SNX21: variants seen among roughly 807,000 people sequenced by gnomAD.
SNX21 encodes the protein sorting nexin family member 21.
In SNX21, 36 loss-of-function variants were observed where a neutral mutation model predicts 30.9. That is an observed-to-expected ratio of 1.16 (90% CI 0.89 to 1.54). The LOEUF (loss-of-function observed/expected upper bound fraction) is 1.54. Ranked by LOEUF, SNX21 falls within the 40% of genes most tolerant of loss-of-function variation. The pLI, the probability that SNX21 is intolerant of heterozygous loss-of-function variation, is 0.00. For synonymous variants in SNX21, 218 were observed against 222.7 expected, an observed-to-expected ratio of 0.98 and a Z score of 0.19; for missense variants, 508 against 516.5, an observed-to-expected ratio of 0.98 and a Z score of 0.16.
Position 45,834,443 on chromosome 20 carries a change from G to A in SNX21, c.264G>A (p.Gly88=). 6.2e-7 allele frequency: 1 copy of A among 1,605,920 alleles called. No homozygotes were observed. The highest frequency in any genetic ancestry group is 8.5e-7 in the Non-Finnish European group (1 of 1,179,350). ...EEAGPDQLPL[G]DGTSGEDAER... ...CTGGCCCTGACCAGCTGCCCCTCGG[G>A]GATGGGACGTCAGGAGAAGACGCAG... The change falls in exon 2 of 4, where the codon GGG becomes GGA. Residue 88 remains glycine (G), a synonymous_variant. Coordinates refer to ENST00000491381, the MANE Select transcript of SNX21 (RefSeq NM_033421.4).
intron 2 of SNX21, 22 bp downstream of exon 2, chr20:45,834,490 C>A: frequency 6.3e-7 from 1 of 1,578,916 alleles, no homozygotes; most frequent in Non-Finnish European, 8.6e-7. Context: ...AGGACGGAGG[C>A]GGGAACCCTG....
Position 45,841,044 on chromosome 20 carries a change from A to G in SNX21, c.853A>G (p.Thr285Ala). 6.2e-7 allele frequency: 1 copy of G among 1,609,850 alleles called. No homozygotes were observed. The highest frequency in any genetic ancestry group is 1.3e-5 in the African/African-American group (1 of 74,986). ...TPSGPDRPLL[T>A]LAGLAVCHQE... is the part of the protein sequence containing the mutation. Reference sequence around the variant, plus strand: ...CTCTGGCCCAGACCGCCCCCTGCTGACCCTGGCTGGGCTGGCCGTGTGCCA... The same window carrying G: ...CTCTGGCCCAGACCGCCCCCTGCTGGCCCTGGCTGGGCTGGCCGTGTGCCA... Residue 285 changes from threonine to alanine, a missense_variant, in exon 4 of 4, where the codon ACC (threonine) becomes GCC (alanine). By Grantham distance (58) the Thr-to-Ala change is moderately conservative. Transcript: ENST00000491381.
At chr20:45,837,631 A>G (rs4337538) in intron 3 of SNX21, among the ~76,000 whole-genome samples, 102,513 of 151,992 alleles carry the variant, frequency 0.67, 34,691 homozygotes, top group Admixed American at 0.74. Flanking sequence ...GAGGCGGGGA[A>G]CTTCGTGATC....
intron 3 of SNX21, chr20:45,840,032 C>A: frequency 1.9e-6 from 1 of 520,250 alleles, no homozygotes; most frequent in Non-Finnish European, 2.5e-6. Flanking sequence ...ACTGACTTGA[C>A]CGAGCACTTC....
In SNX21 at chr20:45,840,901, ACTT is replaced by A. The variant is rs781545083; in HGVS notation, c.715_717del (p.Phe239del). 37 of 1,613,046 alleles carry A rather than the reference ACTT, an allele frequency of 2.3e-5. No homozygotes were observed. The highest frequency in any genetic ancestry group is 3.1e-5 in the Non-Finnish European group (37 of 1,179,910). ...CTGCGCCATGCCCCGGACCTGCAGG[ACTT>A]CTTCGTGCTGCCGGAGCTGCGGCGG... On this transcript the variant is annotated inframe_deletion, in exon 4 of 4. Coordinates refer to ENST00000491381, the MANE Select transcript of SNX21 (RefSeq NM_033421.4).
intron 3 of SNX21, among the ~76,000 whole-genome samples, chr20:45,836,490 C>CAAAAAAAAAA (rs74176824): frequency 1.2e-4 from 6 of 51,332 alleles, no homozygotes; most frequent in Admixed American, 3.1e-4. Flanking sequence ...GACTCCGTCT[C>CAAAAAAAAAA]AAAAAAAAAA....
rs114776392 is a variant in SNX21 at position 45,834,527 on chromosome 20, C to G, written c.289+59C>G. On this transcript the variant is annotated intron_variant, in intron 2 of 3. Coordinates refer to ENST00000491381, the MANE Select transcript of SNX21 (RefSeq NM_033421.4). The stretch of plus-strand genomic sequence containing the variant: ...GGCTCGATTAGGCCTCCATCCCAGC[C>G]GCGTTCCCAGAGCATCCAGGGCGCT... 8.9e-4 allele frequency: 1,348 copies of G among 1,506,478 alleles called. 18 individuals are homozygous for G. The African/African-American group carries it at 0.017, about 19-fold the overall frequency. 93.3% of individuals were successfully genotyped at this position (1,506,478 alleles called of 1,614,324 possible). A position where few individuals can be genotyped will look rare whatever the true frequency, so the allele number is the denominator to read the frequency against.
intron 3 of SNX21, 100 bp from the exon 4 acceptor site, chr20:45,840,539 G>T (rs982360596): frequency 5.0e-5 from 81 of 1,613,340 alleles, no homozygotes; most frequent in Non-Finnish European, 6.6e-5. Context: ...AAAGGAAGAG[G>T]TGGGGAGGTA....
intron 3 of SNX21, among the ~76,000 whole-genome samples, chr20:45,838,049 T>C (rs929444261): frequency 1.3e-5 from 2 of 151,560 alleles, no homozygotes; most frequent in Non-Finnish European, 2.9e-5. Flanking sequence ...GGATTACAGG[T>C]GTGAGCCACT....
Position 45,841,033 on chromosome 20 carries a change from G to GC in SNX21, c.847dup (p.Leu283ProfsTer25). 2 of 1,609,082 alleles carry GC rather than the reference G, an allele frequency of 1.2e-6. No homozygotes were observed. The highest frequency in any genetic ancestry group is 1.7e-6 in the Non-Finnish European group (2 of 1,179,026). ...CTGGGCACCCCCTCTGGCCCAGACCGCCCCCTGCTGACCCTGGCTGGGCTG... is the reference window on the plus strand; with the variant it reads ...CTGGGCACCCCCTCTGGCCCAGACCGCCCCCCTGCTGACCCTGGCTGGGCTG... On this transcript the variant is annotated frameshift_variant, in exon 4 of 4. Coordinates refer to ENST00000491381, the MANE Select transcript of SNX21 (RefSeq NM_033421.4). LOFTEE classifies it high-confidence loss of function.
At chr20:45,835,541 T>C (rs564749471) in intron 3 of SNX21, among the ~76,000 whole-genome samples, 14 of 152,332 alleles carry the variant, frequency 9.2e-5, no homozygotes, top group African/African-American at 3.1e-4. Flanking sequence ...TTCCAGTTGT[T>C]TGACTCTGGG....
rs1190045872 is a variant in SNX21, at chr20:45,834,215, C to T, written c.36C>T (p.Ser12=). ...GCTCCCCCCAGGGTGCCATGGCCTC[C>T]CGGCTCCTGCACCGGCTGCGGCACG... is the stretch of plus-strand genomic sequence containing the variant. ...HRGTQEGAMA[S]RLLHRLRHAL... Residue 12 remains serine, a synonymous_variant, in exon 2 of 4, where the codon TCC becomes TCT. Coordinates refer to ENST00000491381, the MANE Select transcript of SNX21 (RefSeq NM_033421.4). 5 of 1,533,180 alleles carry T rather than the reference C, an allele frequency of 3.3e-6. No homozygotes were observed. In the Admixed American group the frequency reaches 8.1e-5, roughly 25 times the overall value. The allele number at this position is 1,533,180 out of a possible 1,614,324, so 95.0% of individuals were successfully genotyped here.
In SNX21 at chr20:45,842,691, T is replaced by C. The variant is rs1984321186; in HGVS notation, c.*1378T>C. 2 of 989,766 alleles carry C rather than the reference T, an allele frequency of 2.0e-6. No individual in the cohort carries two copies. Among genetic ancestry groups the C allele is most frequent in the African/African-American group, 1.7e-5 (1 of 57,360 alleles). 61.3% of individuals were successfully genotyped at this position (989,766 alleles called of 1,614,324 possible). On this transcript the variant is annotated 3_prime_UTR_variant, in exon 4 of 4. Transcript: ENST00000491381. ...TCACAGTAGCCAAATGAAGCAGTTA[T>C]GTGTTGTCCAGTTTTCCAGACCAGG...
intron 3 of SNX21, 46 bp downstream of exon 3, chr20:45,835,162 G>A: frequency 6.4e-7 from 1 of 1,559,254 alleles, no homozygotes; most frequent in Non-Finnish European, 8.7e-7. Context: ...CAGAAGTATG[G>A]CTAGGAGCAA....
intron 2 of SNX21, 144 bp from the exon 3 acceptor site, chr20:45,834,815 C>T: frequency 3.6e-6 from 4 of 1,105,982 alleles, no homozygotes; most frequent in Non-Finnish European, 2.6e-6. Flanking sequence ...TTTGGCTCCT[C>T]GGTGCCTCTC....
Position 45,834,317 on chromosome 20 carries a change from G to A in SNX21, c.138G>A (p.Glu46=). The part of the protein sequence containing the change: ...AEQFPESSEL[E]DDDAEGLSSR... The stretch of plus-strand genomic sequence containing the variant: ...AGTTTCCGGAGAGCTCAGAGCTGGA[G>A]GACGACGACGCCGAGGGCCTGTCCT... Residue 46 remains glutamate, a synonymous_variant, in exon 2 of 4, where the codon GAG becomes GAA. Coordinates refer to ENST00000491381, the MANE Select transcript of SNX21 (RefSeq NM_033421.4). 1 of 1,597,968 alleles carries A rather than the reference G, an allele frequency of 6.3e-7. No homozygotes were observed. The highest frequency in any genetic ancestry group is 8.5e-7 in the Non-Finnish European group (1 of 1,177,418).
At chr20:45,834,127 CCCT>C (rs888326412) in intron 1 of SNX21, 71 bp from the exon 2 acceptor site, 31 of 1,421,502 alleles carry the variant, frequency 2.2e-5, no homozygotes, top group Admixed American at 3.0e-5. Context: ...CGGGCCCCGC[CCCT>C]CCTCCTCCTG....
rs1325298621 is a variant in SNX21 at position 45,840,768 on chromosome 20, A to T, written c.577A>T (p.Ile193Phe). Reference sequence around the variant, plus strand: ...GCAATTCCGGGGCCCAATGGCTGCCATCTCCTTCCCCCGTAAGCGGCTGCG... The same window carrying T: ...GCAATTCCGGGGCCCAATGGCTGCCTTCTCCTTCCCCCGTAAGCGGCTGCG... Reference protein sequence around the residue: ...QRQFRGPMAAISFPRKRLRRN... With the variant: ...QRQFRGPMAAFSFPRKRLRRN... Residue 193 changes from isoleucine to phenylalanine, a missense_variant, in exon 4 of 4, where the codon ATC (isoleucine) becomes TTC (phenylalanine). Ile to Phe is a conservative substitution (Grantham distance 21). Transcript: ENST00000491381. 1 of 1,614,060 alleles carries T rather than the reference A, an allele frequency of 6.2e-7. No individual in the cohort carries two copies. The highest frequency in any genetic ancestry group is 1.7e-5 in the Admixed American group (1 of 60,024).
In SNX21 at chr20:45,842,823, T is replaced by G. The variant is rs986493670; in HGVS notation, c.*1510T>G. On this transcript the variant is annotated 3_prime_UTR_variant, in exon 4 of 4. Transcript: ENST00000491381. ...TCTTGGATTGTGATGCTATTGGTAC[T>G]TGAGAATACCCCTTATCTGAGTATA... 3.0e-6 allele frequency: 3 copies of G among 992,176 alleles called. No homozygotes were observed. In the African/African-American group the frequency reaches 5.2e-5, roughly 17 times the overall value. The allele number at this position is 992,176 out of a possible 1,614,324, so 61.5% of individuals were successfully genotyped here.
Sources: allele counts gnomAD v4.1 joint callset (sites outside exome capture counted in the v4.1 genomes callset), GRCh38; gene constraint gnomAD v4.1.1; transcripts MANE v1.5; gene names NCBI Gene and HGNC (gene_info 2026-07-23, HGNC 2026-07-21).